SERINC5: variants seen among roughly 807,000 people sequenced by gnomAD.
The protein encoded by SERINC5 is serine incorporator 5, also known as chromosome 5 open reading frame 12.
SERINC5 carries 41 observed loss-of-function variants against 63.1 expected under a neutral mutation model. That is an observed-to-expected ratio of 0.65 (90% CI 0.51 to 0.84). SERINC5 has a LOEUF of 0.84. Among genes scored for constraint, SERINC5 ranks in the 40% least tolerant of loss-of-function variants. SERINC5 has a pLI of 0.00. For missense variants in SERINC5, 523 were observed against 573.0 expected (o/e 0.91, Z 0.89); for synonymous variants, 222 against 215.2 (o/e 1.03, Z -0.28).
chr5:80,153,123 G>A (rs148324869), intron 8 of SERINC5, among the ~76,000 whole-genome samples: 2 of 152,288 alleles, frequency 1.3e-5, no homozygotes, highest in Non-Finnish European at 2.9e-5. Flanking sequence ...CATCATTAAT[G>A]CCATGTGACT....
Position 80,211,542 on chromosome 5 carries a change from G to GT in SERINC5, c.28-8490dup, listed in dbSNP as rs1750429957. Among the ~76,000 whole-genome samples the GT allele has an allele frequency of 2.0e-5, 3 of 152,214 alleles. No homozygotes were observed. The South Asian group carries it at 6.2e-4, about 32-fold the overall frequency. ...TAATCTAACTTCGAGCACATCTGTT[G>GT]TAACTTCTGAGCACTGGAAGAGCCG... On this transcript the variant is annotated intron_variant, in intron 1 of 11. Coordinates refer to ENST00000507668, the MANE Select transcript of SERINC5 (RefSeq NM_001174072.3).
At chr5:80,207,456 A>T (rs1369001906) in intron 1 of SERINC5, among the ~76,000 whole-genome samples, 3 of 152,248 alleles carry the variant, frequency 2.0e-5, no homozygotes, top group African/African-American at 7.2e-5. Context: ...AGGGAAAAAT[A>T]AACAGATACA....
chr5:80,169,615 G>A, intron 5 of SERINC5, 69 bp from the exon 6 acceptor site: 2 of 1,272,918 alleles, frequency 1.6e-6, no homozygotes, highest in Non-Finnish European at 2.2e-6. Context: ...CCATTCTGCG[G>A]TAACAGTCAC....
chr5:80,155,163 A>C (rs1254588550), intron 8 of SERINC5, among the ~76,000 whole-genome samples: 1 of 152,236 alleles, frequency 6.6e-6, no homozygotes, highest in Non-Finnish European at 1.5e-5. Context: ...TAACAATTTC[A>C]ATCAAAATCC....
In SERINC5 at chr5:80,185,586, TGAGTCCGAAAAGA is replaced by T. The variant is rs1748743811; in HGVS notation, c.196-7535_196-7523del. Among the ~76,000 whole-genome samples the T allele has an allele frequency of 3.3e-5, 5 of 152,266 alleles. No homozygotes were observed. In the South Asian group the frequency reaches 1.0e-3, roughly 32 times the overall value. ...TTTAATCACCTGGGTGCAGGCGGGC[TGAGTCCGAAAAGA>T]GAGTCAGCAAAGGGAGATAAGGGTG... is the stretch of plus-strand genomic sequence containing the variant. On this transcript the variant is annotated intron_variant, in intron 2 of 11. Transcript: ENST00000507668.
chr5:80,189,779 A>G (rs1749067658), intron 2 of SERINC5, among the ~76,000 whole-genome samples: 1 of 151,844 alleles, frequency 6.6e-6, no homozygotes, highest in Non-Finnish European at 1.5e-5. Flanking sequence ...TGGCACAATC[A>G]TAGCTCACTG....
At position 80,228,218 on chromosome 5, in the gene SERINC5, G is replaced by C. The variant is rs1194551941; in HGVS notation, c.28-25165C>G. Among the ~76,000 whole-genome samples the C allele has an allele frequency of 5.9e-5, 8 of 135,928 alleles. No homozygotes were observed. In the East Asian group the frequency reaches 1.7e-3, roughly 29 times the overall value. 89.2% of individuals were successfully genotyped at this position (135,928 alleles called of 152,430 possible). A position where few individuals can be genotyped will look rare whatever the true frequency, so the allele number is the denominator to read the frequency against. Reference sequence around the variant, plus strand: ...GCACTACACTCCAGCCTGGGCAGCAGAGTGAGTGAGGGAGGGAGGGAGGGA... The same window carrying C: ...GCACTACACTCCAGCCTGGGCAGCACAGTGAGTGAGGGAGGGAGGGAGGGA... On this transcript the variant is annotated intron_variant, in intron 1 of 11. Coordinates refer to ENST00000507668, the MANE Select transcript of SERINC5 (RefSeq NM_001174072.3).
chr5:80,248,026 G>GT (rs1303224789), intron 1 of SERINC5, among the ~76,000 whole-genome samples: 1 of 151,642 alleles, frequency 6.6e-6, no homozygotes, highest in Non-Finnish European at 1.5e-5. Context: ...GCTAATTTTT[G>GT]TTTTTTGTAG....
intron 1 of SERINC5, among the ~76,000 whole-genome samples, chr5:80,232,167 G>A (rs1751471652): frequency 6.6e-6 from 1 of 151,328 alleles, no homozygotes; most frequent in African/African-American, 2.4e-5. Context: ...CATTTTGGGA[G>A]GCCAAGGCGG....
chr5:80,203,772 A>T (rs1750005247), intron 1 of SERINC5, among the ~76,000 whole-genome samples: 1 of 152,144 alleles, frequency 6.6e-6, no homozygotes, highest in South Asian at 2.1e-4. Flanking sequence ...TGCTCTTTTC[A>T]GTCATACCAG....
chr5:80,229,305 T>C (rs1006883790), intron 1 of SERINC5, among the ~76,000 whole-genome samples: 2 of 151,238 alleles, frequency 1.3e-5, no homozygotes, highest in African/African-American at 2.4e-5. Flanking sequence ...ATCACAGGGG[T>C]GAGCCACCAT....
At chr5:80,125,811 GA>G (rs1275012848) in intron 11 of SERINC5, among the ~76,000 whole-genome samples, 12 of 152,184 alleles carry the variant, frequency 7.9e-5, no homozygotes, top group African/African-American at 2.7e-4. Context: ...CCTGGGTCAA[GA>G]AAAGGACATG....
chr5:80,194,972 G>A (rs1282816705), intron 2 of SERINC5, among the ~76,000 whole-genome samples: 1 of 152,096 alleles, frequency 6.6e-6, no homozygotes, highest in Admixed American at 6.6e-5. Context: ...TGACCACTTA[G>A]GACTTTTCTG....
intron 5 of SERINC5, among the ~76,000 whole-genome samples, chr5:80,170,451 TG>T (rs1431910329): frequency 6.6e-6 from 1 of 152,134 alleles, no homozygotes; most frequent in Non-Finnish European, 1.5e-5. Flanking sequence ...GACACAAGGT[TG>T]GGAAGTCACA....
intron 1 of SERINC5, among the ~76,000 whole-genome samples, chr5:80,238,420 C>T (rs1178944699): frequency 6.6e-6 from 1 of 152,090 alleles, no homozygotes; most frequent in Non-Finnish European, 1.5e-5. Flanking sequence ...TAAACAACTG[C>T]TTGAGAGTTT....
intron 6 of SERINC5, among the ~76,000 whole-genome samples, chr5:80,167,769 G>C (rs1747399639): frequency 6.6e-6 from 1 of 152,128 alleles, no homozygotes; most frequent in Non-Finnish European, 1.5e-5. Context: ...AGGAAACTAA[G>C]GGTTCAGATC....
intron 6 of SERINC5, among the ~76,000 whole-genome samples, chr5:80,168,713 G>A (rs59089298): frequency 0.068 from 10,389 of 152,176 alleles, 407 homozygotes; most frequent in African/African-American, 0.1. Flanking sequence ...TTTATAAATG[G>A]CAATTCACAT....
chr5:80,179,363 C>G (rs1449356497), intron 2 of SERINC5, among the ~76,000 whole-genome samples: 1 of 152,164 alleles, frequency 6.6e-6, no homozygotes, highest in Non-Finnish European at 1.5e-5. Flanking sequence ...ACGCAAAATC[C>G]CATCACATTC....
intron 1 of SERINC5, among the ~76,000 whole-genome samples, chr5:80,237,349 T>TG (rs1205065293): frequency 6.6e-6 from 1 of 151,694 alleles, no homozygotes; most frequent in Non-Finnish European, 1.5e-5. Context: ...CTCTCTCTTT[T>TG]TTTTTCATGT....
Sources: allele counts gnomAD v4.1 joint callset (sites outside exome capture counted in the v4.1 genomes callset), GRCh38; gene constraint gnomAD v4.1.1; transcripts MANE v1.5; gene names NCBI Gene and HGNC (gene_info 2026-07-23, HGNC 2026-07-21).